The following PELI2 variants were observed in gnomAD, a reference collection of about 807,000 sequenced individuals.
PELI2 encodes E3 ubiquitin-protein ligase pellino homolog 2.
A neutral mutation model predicts 42.3 loss-of-function variants in PELI2; 23 were observed. The observed-to-expected ratio is 0.54, with a 90% CI of 0.39 to 0.77. The LOEUF (loss-of-function observed/expected upper bound fraction) is 0.77, where lower values mean the gene tolerates loss of function less well. Among genes scored for constraint, PELI2 ranks in the 30% least tolerant of loss-of-function variants. PELI2 has a pLI of 0.00. For missense variants in PELI2, 463 were observed against 553.2 expected (o/e 0.84, Z 1.64); for synonymous variants, 245 against 212.2 (o/e 1.15, Z -1.34).
At chr14:56,198,695 G>A (rs1381438047) in intron 2 of PELI2, among the ~76,000 whole-genome samples, 1 of 152,180 alleles carries the variant, frequency 6.6e-6, no homozygotes, top group Non-Finnish European at 1.5e-5. Flanking sequence ...AGCAAAACTA[G>A]GGAGGGCTTG....
chr14:56,171,941 G>A (rs1165841170), intron 1 of PELI2, among the ~76,000 whole-genome samples: 2 of 152,090 alleles, frequency 1.3e-5, no homozygotes, highest in East Asian at 1.9e-4. Flanking sequence ...ACTTGAACTC[G>A]AGAGGCGGAG....
At chr14:56,241,839 G>C (rs945833819) in intron 2 of PELI2, among the ~76,000 whole-genome samples, 10 of 152,182 alleles carry the variant, frequency 6.6e-5, no homozygotes, top group African/African-American at 2.4e-4. Flanking sequence ...TAGCCCAACA[G>C]TCAAGTACAA....
intron 3 of PELI2, among the ~76,000 whole-genome samples, chr14:56,286,953 C>T (rs763064058): frequency 5.3e-5 from 8 of 152,176 alleles, no homozygotes; most frequent in Admixed American, 2.0e-4. Context: ...CCTCTTTTTA[C>T]AGTCAATTTC....
At chr14:56,235,879 A>T (rs1887775706) in intron 2 of PELI2, among the ~76,000 whole-genome samples, 1 of 152,198 alleles carries the variant, frequency 6.6e-6, no homozygotes, top group Non-Finnish European at 1.5e-5. Flanking sequence ...ACAAAGGCAT[A>T]ACCTAGCTGG....
chr14:56,203,219 A>G (rs987145753), intron 2 of PELI2, among the ~76,000 whole-genome samples: 2 of 152,170 alleles, frequency 1.3e-5, no homozygotes, highest in African/African-American at 4.8e-5. Context: ...ACATGCCAGT[A>G]ATCCCAGCTA....
intron 1 of PELI2, among the ~76,000 whole-genome samples, chr14:56,128,365 C>T (rs1883357168): frequency 6.6e-6 from 1 of 152,190 alleles, no homozygotes; most frequent in South Asian, 2.1e-4. Context: ...AGGTGGTTTA[C>T]ATTATCCTTT....
rs975208815 is a variant in PELI2 at position 56,299,495 on chromosome 14, A to G, written c.*2329A>G. On this transcript the variant is annotated 3_prime_UTR_variant, in exon 6 of 6. Transcript: ENST00000267460. Reference sequence around the variant, plus strand: ...ATCTTTTCCTTTGGCTTCCAAAGTCAGGTCCCGCCCACCCTGCCTAAGGAA... The same window carrying G: ...ATCTTTTCCTTTGGCTTCCAAAGTCGGGTCCCGCCCACCCTGCCTAAGGAA... 1.3e-5 allele frequency: 2 copies of G among 152,216 alleles called. No homozygotes were observed. Among genetic ancestry groups the G allele is most frequent in the Non-Finnish European group, 2.9e-5 (2 of 68,038 alleles). 9.4% of individuals were successfully genotyped at this position (152,216 alleles called of 1,614,324 possible). A position where few individuals can be genotyped will look rare whatever the true frequency, so the allele number is the denominator to read the frequency against.
chr14:56,279,235 G>A (rs1009508020), intron 2 of PELI2, among the ~76,000 whole-genome samples: 1 of 152,108 alleles, frequency 6.6e-6, no homozygotes, highest in African/African-American at 2.4e-5. Context: ...AGATTTTCCA[G>A]TGATTCTTTT....
intron 2 of PELI2, among the ~76,000 whole-genome samples, chr14:56,209,000 A>G (rs1038826979): frequency 1.3e-5 from 2 of 152,218 alleles, no homozygotes; most frequent in African/African-American, 2.4e-5. Context: ...AGTTCCGAAT[A>G]CTTAATATTT....
Position 56,297,238 on chromosome 14 carries a change from C to T in PELI2, c.*72C>T. On this transcript the variant is annotated 3_prime_UTR_variant, in exon 6 of 6. Transcript: ENST00000267460. ...ATTTTGCCACTAACTCTAGATTTTA[C>T]CTTTTTGTAATGCTGTTTATCAGAG... The T allele has an allele frequency of 9.6e-7, 1 of 1,042,380 alleles. No individual in the cohort carries two copies. Among genetic ancestry groups the T allele is most frequent in the African/African-American group, 1.6e-5 (1 of 62,832 alleles). 64.6% of individuals were successfully genotyped at this position (1,042,380 alleles called of 1,614,324 possible). A position where few individuals can be genotyped will look rare whatever the true frequency, so the allele number is the denominator to read the frequency against.
intron 2 of PELI2, among the ~76,000 whole-genome samples, chr14:56,244,467 G>A (rs918540000): frequency 3.9e-5 from 6 of 152,252 alleles, no homozygotes; most frequent in African/African-American, 1.4e-4. Context: ...AATCTTTGTC[G>A]TTGAAACCCT....
chr14:56,186,441 C>G (rs538355930), intron 2 of PELI2, among the ~76,000 whole-genome samples: 1 of 152,342 alleles, frequency 6.6e-6, no homozygotes, highest in South Asian at 2.1e-4. Flanking sequence ...TTCTGGCAAA[C>G]AGATCTGTGA....
In PELI2 at chr14:56,277,821, G is replaced by A. The variant is rs868851951; in HGVS notation, c.208-1855G>A. Among the ~76,000 whole-genome samples, 4 of 152,296 alleles carry A rather than the reference G, an allele frequency of 2.6e-5. No individual in the cohort carries two copies. The South Asian group carries it at 8.3e-4, about 32-fold the overall frequency. On this transcript the variant is annotated intron_variant, in intron 2 of 5. Transcript: ENST00000267460. Reference sequence around the variant, plus strand: ...TATAATTTAAGGTAAGCTGTTTTAAGCATGAGCAACTCCATTTGAGGGCTG... The same window carrying A: ...TATAATTTAAGGTAAGCTGTTTTAAACATGAGCAACTCCATTTGAGGGCTG...
At chr14:56,233,886 A>G (rs1428661336) in intron 2 of PELI2, among the ~76,000 whole-genome samples, 1 of 152,234 alleles carries the variant, frequency 6.6e-6, no homozygotes, top group African/African-American at 2.4e-5. Flanking sequence ...CAGAATCTAC[A>G]AAGAACTTAA....
intron 2 of PELI2, among the ~76,000 whole-genome samples, chr14:56,250,558 T>G (rs368698358): frequency 3.3e-5 from 5 of 152,154 alleles, no homozygotes; most frequent in Non-Finnish European, 1.5e-5. Flanking sequence ...ACCACTGATG[T>G]AAGTCCAAGA....
At chr14:56,192,308 C>G (rs1345879807) in intron 2 of PELI2, among the ~76,000 whole-genome samples, 1 of 152,108 alleles carries the variant, frequency 6.6e-6, no homozygotes, top group East Asian at 1.9e-4. Flanking sequence ...TTTCTAAAGT[C>G]GAGTCGTGTT....
At chr14:56,192,251 CT>C (rs1165132903) in intron 2 of PELI2, among the ~76,000 whole-genome samples, 2 of 152,116 alleles carry the variant, frequency 1.3e-5, no homozygotes, top group African/African-American at 4.8e-5. Flanking sequence ...TGCATTTTGT[CT>C]TTTGTTACAC....
Position 56,198,421 on chromosome 14 carries a change from A to G in PELI2, c.207+19957A>G, listed in dbSNP as rs539354730. 3.0e-3 allele frequency among the ~76,000 whole-genome samples: 459 copies of G among 152,322 alleles called. 1 individual carries two copies. The highest frequency in any genetic ancestry group is 0.011 in the African/African-American group (440 of 41,572). ...AGGAGAACCCAGAGAGCGTGGCATC[A>G]TGGAGCATGAGAGGAGTGTGCCTAA... On this transcript the variant is annotated intron_variant, in intron 2 of 5. Coordinates refer to ENST00000267460, the MANE Select transcript of PELI2 (RefSeq NM_021255.3).
chr14:56,184,137 A>G (rs1322535123), intron 2 of PELI2, among the ~76,000 whole-genome samples: 5 of 152,142 alleles, frequency 3.3e-5, no homozygotes, highest in African/African-American at 1.2e-4. Context: ...GAAGATGGGA[A>G]TATTCATGTT....
Sources: gnomAD v4.1 joint callset for allele counts (sites outside exome capture counted in the v4.1 genomes callset) on GRCh38, gnomAD v4.1.1 for gene constraint, MANE v1.5 for transcripts, NCBI Gene and HGNC (gene_info 2026-07-23, HGNC 2026-07-21) for gene names.